The following KHDRBS3 variants were observed in gnomAD, a reference collection of about 807,000 sequenced individuals.
The protein encoded by KHDRBS3 is KH RNA binding domain containing, signal transduction associated 3.
A neutral mutation model predicts 45.6 loss-of-function variants in KHDRBS3; 23 were observed. The ratio of observed to expected loss-of-function variants is 0.50; its 90% CI spans 0.36 to 0.72. KHDRBS3 has a LOEUF of 0.72. Ranked by LOEUF, KHDRBS3 falls within the 30% of genes least tolerant of loss-of-function variation. The pLI, the probability that KHDRBS3 is intolerant of heterozygous loss-of-function variation, is 0.00. For missense variants in KHDRBS3, 352 were observed against 424.8 expected, an observed-to-expected ratio of 0.83 and a Z score of 1.51; for synonymous variants, 162 against 156.5, an observed-to-expected ratio of 1.04 and a Z score of -0.26.
intron 1 of KHDRBS3, among the ~76,000 whole-genome samples, chr8:135,504,561 CTTAA>C (rs1345866646): frequency 1.3e-5 from 2 of 152,136 alleles, no homozygotes; most frequent in African/African-American, 4.8e-5. Context: ...AGTTTGTAAA[CTTAA>C]TTAGTTCTTG....
chr8:135,521,961 G>A (rs991661864), intron 2 of KHDRBS3, among the ~76,000 whole-genome samples: 1 of 151,710 alleles, frequency 6.6e-6, no homozygotes, highest in East Asian at 1.9e-4. Flanking sequence ...TTTTAACGTT[G>A]TATTTTGTTT....
intron 1 of KHDRBS3, among the ~76,000 whole-genome samples, chr8:135,517,823 T>TA (rs764791457): frequency 1.3e-5 from 2 of 152,032 alleles, no homozygotes; most frequent in Non-Finnish European, 2.9e-5. Context: ...TTAAAAAATT[T>TA]AAAAAAAATC....
chr8:135,596,141 T>C (rs534142869), intron 6 of KHDRBS3, among the ~76,000 whole-genome samples: 49 of 152,192 alleles, frequency 3.2e-4, no homozygotes, highest in Non-Finnish European at 5.6e-4. Flanking sequence ...GTCCTAAGAA[T>C]GGTACATAGC....
chr8:135,517,989 CTG>C (rs1415036950), intron 1 of KHDRBS3, among the ~76,000 whole-genome samples: 6 of 152,118 alleles, frequency 3.9e-5, no homozygotes, highest in African/African-American at 1.4e-4. Context: ...TGATCTGAAA[CTG>C]TAATATGTGA....
chr8:135,505,433 A>G (rs1563728443), intron 1 of KHDRBS3, among the ~76,000 whole-genome samples: 1 of 152,122 alleles, frequency 6.6e-6, no homozygotes, highest in East Asian at 1.9e-4. Flanking sequence ...TCTCTGGCAC[A>G]TTGTACTTAA....
At chr8:135,648,808 T>C (rs1831371663), downstream of KHDRBS3, among the ~76,000 whole-genome samples, 1 of 152,172 alleles carries the variant, frequency 6.6e-6, no homozygotes, top group South Asian at 2.1e-4. Context: ...CGGCAGAGAT[T>C]GGAGGCTCAG....
In KHDRBS3 at chr8:135,457,820, C is replaced by T. The variant is rs768656001; in HGVS notation, c.-47C>T. The T allele has an allele frequency of 3.0e-6, 4 of 1,339,812 alleles. No homozygotes were observed. Among genetic ancestry groups the T allele is most frequent in the Non-Finnish European group, 4.0e-6 (4 of 994,730 alleles). The allele number at this position is 1,339,812 out of a possible 1,614,324, so 83.0% of individuals were successfully genotyped here. On this transcript the variant is annotated 5_prime_UTR_variant, in exon 1 of 9. Coordinates refer to ENST00000355849, the MANE Select transcript of KHDRBS3 (RefSeq NM_006558.3). The surrounding 1 kb of genome is among the most constrained non-coding windows in gnomAD (Gnocchi z 4.4). ...GGGGTCGGGGGTTGCCGGGCGCCGCCCCCCGTGCGCCTGGAGTCCACATCC... is the reference window on the plus strand; with the variant it reads ...GGGGTCGGGGGTTGCCGGGCGCCGCTCCCCGTGCGCCTGGAGTCCACATCC...
chr8:135,473,309 C>G lies in KHDRBS3; in HGVS notation c.88+15355C>G, dbSNP rs1206369266. ...ACTTGGTTCACACTTTCCATTTAGA[C>G]GACGCGCTTTGTGGCTTCCCATCCA... On this transcript the variant is annotated intron_variant, in intron 1 of 8. Transcript: ENST00000355849. Among the ~76,000 whole-genome samples the G allele has an allele frequency of 4.6e-5, 7 of 152,122 alleles. No individual in the cohort carries two copies. In the East Asian group the frequency reaches 1.3e-3, roughly 29 times the overall value.
At chr8:135,535,333 A>T (rs1456805224) in intron 2 of KHDRBS3, among the ~76,000 whole-genome samples, 8 of 72,570 alleles carry the variant, frequency 1.1e-4, no homozygotes, top group Admixed American at 4.8e-4. Flanking sequence ...ATATATAGTT[A>T]AACTATATAT....
At chr8:135,548,967 T>A (rs763366733) in intron 4 of KHDRBS3, 67 bp downstream of exon 4, 10 of 1,158,408 alleles carry the variant, frequency 8.6e-6, no homozygotes, top group Non-Finnish European at 1.2e-5. Flanking sequence ...TTGATACTTC[T>A]TGTCTGTAAC....
intron 7 of KHDRBS3, among the ~76,000 whole-genome samples, chr8:135,632,893 G>A (rs549236717): frequency 1.3e-5 from 2 of 152,108 alleles, no homozygotes; most frequent in East Asian, 3.9e-4. Context: ...GACATTTGAT[G>A]GTCCCTCTGC....
intron 1 of KHDRBS3, among the ~76,000 whole-genome samples, chr8:135,492,398 A>T (rs1407640304): frequency 6.6e-6 from 1 of 152,012 alleles, no homozygotes; most frequent in Non-Finnish European, 1.5e-5. Flanking sequence ...CTGGAGAAAG[A>T]TGTAAGATAT....
intron 1 of KHDRBS3, among the ~76,000 whole-genome samples, chr8:135,462,836 C>T (rs1821498870): frequency 6.6e-6 from 1 of 152,150 alleles, no homozygotes; most frequent in Non-Finnish European, 1.5e-5. Flanking sequence ...CTCTCAGTAA[C>T]ACTGAGAGTC....
At chr8:135,474,270 A>G (rs1045440849) in intron 1 of KHDRBS3, among the ~76,000 whole-genome samples, 4 of 152,246 alleles carry the variant, frequency 2.6e-5, no homozygotes, top group African/African-American at 9.6e-5. Context: ...TCACATTTAC[A>G]TAAATAAAGC....
chr8:135,626,477 C>G (rs1427679061), intron 7 of KHDRBS3, among the ~76,000 whole-genome samples: 1 of 152,166 alleles, frequency 6.6e-6, no homozygotes, highest in African/African-American at 2.4e-5. Flanking sequence ...AGCTTCCTGG[C>G]ATGGTGGACT....
At chr8:135,489,246 T>A (rs549161435) in intron 1 of KHDRBS3, among the ~76,000 whole-genome samples, 1 of 152,306 alleles carries the variant, frequency 6.6e-6, no homozygotes, top group East Asian at 1.9e-4. Flanking sequence ...GCCTGTTTTT[T>A]TGTTTGGTTT....
intron 7 of KHDRBS3, among the ~76,000 whole-genome samples, chr8:135,639,978 T>TA (rs1240435392): frequency 4.6e-5 from 7 of 152,008 alleles, no homozygotes; most frequent in Non-Finnish European, 1.0e-4. Context: ...CTGTGGAAGT[T>TA]AAAGAAAAAA....
At chr8:135,549,336 T>C (rs1826466657) in intron 4 of KHDRBS3, 1 of 152,704 alleles carries the variant, frequency 6.5e-6, no homozygotes. Flanking sequence ...ATACGTAATT[T>C]AGAGGAAAAG....
chr8:135,577,183 G>C (rs1266713369), intron 5 of KHDRBS3, among the ~76,000 whole-genome samples: 1 of 151,056 alleles, frequency 6.6e-6, no homozygotes, highest in Non-Finnish European at 1.5e-5. Context: ...CAATAAAATT[G>C]TTTTCATATG....
Sources: gnomAD v4.1 joint callset for allele counts (sites outside exome capture counted in the v4.1 genomes callset) on GRCh38, gnomAD v4.1.1 for gene constraint, Gnocchi (gnomAD v3.1) non-coding constraint, MANE v1.5 for transcripts, NCBI Gene and HGNC (gene_info 2026-07-23, HGNC 2026-07-21) for gene names.